NR3C2: variants seen among roughly 807,000 people sequenced by gnomAD.
NR3C2 encodes mineralocorticoid receptor.
Under a neutral mutation model 86.4 loss-of-function variants are expected in NR3C2, and 15 were observed. The ratio of observed to expected loss-of-function variants is 0.17; its 90% CI spans 0.12 to 0.27. The LOEUF is 0.27. Ranked by LOEUF, NR3C2 falls within the 10% of genes least tolerant of loss-of-function variation. NR3C2 has a pLI of 1.00. For missense variants in NR3C2, 960 were observed against 1,195.6 expected (o/e 0.80, Z 2.91); for synonymous variants, 458 against 450.5 (o/e 1.02, Z -0.21).
At chr4:148,134,637 C>CTTTT (rs1733196913) in intron 6 of NR3C2, among the ~76,000 whole-genome samples, 1 of 61,910 alleles carries the variant, frequency 1.6e-5, no homozygotes, top group African/African-American at 5.8e-5. Flanking sequence ...CTCTCTCTCT[C>CTTTT]TCTCTCTTTT....
intron 2 of NR3C2, among the ~76,000 whole-genome samples, chr4:148,385,000 T>C (rs1479766304): frequency 6.6e-6 from 1 of 152,200 alleles, no homozygotes; most frequent in Non-Finnish European, 1.5e-5. Context: ...TCTTCCCATG[T>C]CCATTTTGTC....
At chr4:148,382,050 T>TA (rs535852089) in intron 2 of NR3C2, among the ~76,000 whole-genome samples, 272 of 152,290 alleles carry the variant, frequency 1.8e-3, no homozygotes, top group African/African-American at 6.2e-3. Flanking sequence ...TGTAGGCAAT[T>TA]AAATTCACCG....
rs576657462 is a variant in NR3C2 at position 148,113,389 on chromosome 4, C to A, written c.2799+715G>T. Among the ~76,000 whole-genome samples the A allele has an allele frequency of 3.5e-4, 53 of 152,262 alleles. 1 individual carries two copies. The South Asian group carries it at 5.2e-3, about 15-fold the overall frequency. The stretch of plus-strand genomic sequence containing the variant: ...ATGTTAAAGCAAACATTTTTATTAA[C>A]CAAACATTTCCTAAATTGCAAGCAA... On this transcript the variant is annotated intron_variant, in intron 8 of 8. Coordinates refer to ENST00000358102, the MANE Select transcript of NR3C2 (RefSeq NM_000901.5).
At chr4:148,402,494 T>A (rs1334392320) in intron 2 of NR3C2, among the ~76,000 whole-genome samples, 1 of 152,200 alleles carries the variant, frequency 6.6e-6, no homozygotes, top group Non-Finnish European at 1.5e-5. Context: ...ACACAAAGTA[T>A]CTGGGAGTGA....
intron 3 of NR3C2, among the ~76,000 whole-genome samples, chr4:148,205,714 G>T (rs1736969660): frequency 6.6e-6 from 1 of 152,172 alleles, no homozygotes; most frequent in South Asian, 2.1e-4. Context: ...GGCAAGAACG[G>T]CACATGAATA....
At chr4:148,209,243 C>CA (rs772286541) in intron 3 of NR3C2, among the ~76,000 whole-genome samples, 1,336 of 108,568 alleles carry the variant, frequency 0.012, 23 homozygotes, top group African/African-American at 0.04. Flanking sequence ...GACTCAGTCT[C>CA]AAAAAAAAAA....
rs77261833 is a variant in NR3C2 at position 148,309,925 on chromosome 4, C to T, written c.1758-49808G>A. Reference sequence around the variant, plus strand: ...TGATACATCATAAGCACTTAATAAACGATGGTGAATAAATAATAAATGAGC... The same window carrying T: ...TGATACATCATAAGCACTTAATAAATGATGGTGAATAAATAATAAATGAGC... On this transcript the variant is annotated intron_variant, in intron 2 of 8. Transcript: ENST00000358102. Among the ~76,000 whole-genome samples, 1,024 of 150,530 alleles carry T rather than the reference C, an allele frequency of 6.8e-3. 12 individuals carry two copies. The highest frequency in any genetic ancestry group is 0.024 in the African/African-American group (966 of 40,890).
chr4:148,435,984 G>C lies in NR3C2; in HGVS notation c.877C>G (p.Leu293Val), dbSNP rs757712786. 9 of 1,614,218 alleles carry C rather than the reference G, an allele frequency of 5.6e-6. No individual in the cohort carries two copies. The highest frequency in any genetic ancestry group is 7.6e-6 in the Non-Finnish European group (9 of 1,180,040). Residue 293 changes from leucine to valine, a missense_variant, in exon 2 of 9, where the codon CTG (leucine) becomes GTG (valine). Transcript: ENST00000358102. ...SPVSSPNNVT[L>V]RSSVSSPANI... The stretch of plus-strand genomic sequence containing the variant: ...GCAGGGCTAGACACAGAGGATCTCA[G>C]AGTGACATTATTGGGACTGGAGACT...
At chr4:148,202,250 C>G (rs945594819) in intron 3 of NR3C2, among the ~76,000 whole-genome samples, 3 of 152,216 alleles carry the variant, frequency 2.0e-5, no homozygotes, top group Admixed American at 2.0e-4. Context: ...CCTCCAGTGG[C>G]GAACACCTCT....
At chr4:148,318,550 T>G (rs80156034) in intron 2 of NR3C2, among the ~76,000 whole-genome samples, 50,330 of 150,556 alleles carry the variant, frequency 0.33, 9,594 homozygotes, top group African/African-American at 0.53. Flanking sequence ...GTTTCCTGAC[T>G]TTTTAATGAT....
chr4:148,395,197 C>A (rs976521836), intron 2 of NR3C2, among the ~76,000 whole-genome samples: 6 of 152,002 alleles, frequency 3.9e-5, no homozygotes, highest in Non-Finnish European at 8.8e-5. Context: ...TGTTTTACAT[C>A]AAAATAAATA....
intron 7 of NR3C2, among the ~76,000 whole-genome samples, chr4:148,117,903 A>C (rs1257069556): frequency 6.6e-6 from 1 of 152,194 alleles, no homozygotes; most frequent in Non-Finnish European, 1.5e-5. Context: ...TGGATACTCC[A>C]GGTTGTCACT....
intron 2 of NR3C2, among the ~76,000 whole-genome samples, chr4:148,296,044 CAAAAA>C (rs529710200): frequency 1.9e-3 from 143 of 73,930 alleles, no homozygotes; most frequent in African/African-American, 6.6e-3. Context: ...GAGCTGAGGC[CAAAAA>C]AAAAAAAAAA....
chr4:148,210,727 A>T, intron 3 of NR3C2, among the ~76,000 whole-genome samples: 1 of 152,214 alleles, frequency 6.6e-6, no homozygotes, highest in East Asian at 1.9e-4. Flanking sequence ...ATAAGTGCAA[A>T]GCAATCATAA....
At chr4:148,326,830 T>C (rs1743993327) in intron 2 of NR3C2, among the ~76,000 whole-genome samples, 1 of 152,204 alleles carries the variant, frequency 6.6e-6, no homozygotes, top group African/African-American at 2.4e-5. Flanking sequence ...TTCCATTGTC[T>C]AATTCTCACA....
In NR3C2 at chr4:148,380,753, T is replaced by C. The variant is rs1209373754; in HGVS notation, c.1757+54351A>G. 2.6e-5 allele frequency among the ~76,000 whole-genome samples: 4 copies of C among 152,322 alleles called. No homozygotes were observed. In the East Asian group the frequency reaches 5.8e-4, roughly 22 times the overall value. ...GCATAGTTCTTCTGTATAGTTTAGATTGACCTAACAAGTGCTATAACAATG... is the reference window on the plus strand; with the variant it reads ...GCATAGTTCTTCTGTATAGTTTAGACTGACCTAACAAGTGCTATAACAATG... On this transcript the variant is annotated intron_variant, in intron 2 of 8. Coordinates refer to ENST00000358102, the MANE Select transcript of NR3C2 (RefSeq NM_000901.5).
chr4:148,273,739 G>C (rs1740811752), intron 2 of NR3C2, among the ~76,000 whole-genome samples: 1 of 152,160 alleles, frequency 6.6e-6, no homozygotes, highest in Admixed American at 6.5e-5. Flanking sequence ...ACCAGAAGCA[G>C]AGAAGGTACA....
chr4:148,405,698 T>TA (rs1441122775), intron 2 of NR3C2, among the ~76,000 whole-genome samples: 1 of 152,210 alleles, frequency 6.6e-6, no homozygotes, highest in Non-Finnish European at 1.5e-5. Context: ...CAGGGGAAGT[T>TA]AGAGAAAATC....
intron 2 of NR3C2, among the ~76,000 whole-genome samples, chr4:148,314,338 T>C (rs1246556857): frequency 2.0e-5 from 3 of 152,184 alleles, no homozygotes; most frequent in Non-Finnish European, 4.4e-5. Context: ...AAAAACATTA[T>C]TATTTTTTTA....
Sources: gnomAD v4.1 joint callset for allele counts (sites outside exome capture counted in the v4.1 genomes callset) on GRCh38, gnomAD v4.1.1 for gene constraint, MANE v1.5 for transcripts, NCBI Gene and HGNC (gene_info 2026-07-23, HGNC 2026-07-21) for gene names.